TMEM132D: variants seen among roughly 807,000 people sequenced by gnomAD.
TMEM132D encodes the protein transmembrane protein 132D, also known as mature OL transmembrane protein.
TMEM132D carries 21 observed loss-of-function variants against 62.3 expected under a neutral mutation model. That is an observed-to-expected ratio of 0.34 (90% CI 0.24 to 0.49). The LOEUF (loss-of-function observed/expected upper bound fraction) is 0.49. Among genes scored for constraint, TMEM132D ranks in the 20% least tolerant of loss-of-function variants. TMEM132D has a pLI of 0.99. For missense variants in TMEM132D, 1,346 were observed against 1,402.8 expected (o/e 0.96, Z 0.65); for synonymous variants, 621 against 575.6 (o/e 1.08, Z -1.13).
chr12:129,626,809 A>G (rs265620), intron 2 of TMEM132D, among the ~76,000 whole-genome samples: 3,177 of 151,886 alleles, frequency 0.021, 125 homozygotes, highest in African/African-American at 0.073. Context: ...TTTATTTTTA[A>G]TTTTCTCATG....
At chr12:129,150,693 A>G (rs913055956) in intron 5 of TMEM132D, among the ~76,000 whole-genome samples, 13 of 152,232 alleles carry the variant, frequency 8.5e-5, no homozygotes, top group African/African-American at 2.4e-4. Context: ...AGCCACAGAC[A>G]CTGAAGATGT....
chr12:129,760,406 A>C (rs1291317340), intron 1 of TMEM132D, among the ~76,000 whole-genome samples: 1 of 134,892 alleles, frequency 7.4e-6, no homozygotes, highest in Non-Finnish European at 1.5e-5. Flanking sequence ...ATCTCGGCTC[A>C]CTGCAAGCTC....
chr12:129,618,013 C>T (rs1878968390), intron 2 of TMEM132D, among the ~76,000 whole-genome samples: 1 of 152,174 alleles, frequency 6.6e-6, no homozygotes, highest in Admixed American at 6.5e-5. Context: ...CTTGCCTGTG[C>T]TTTCACTTCC....
chr12:129,117,669 C>T (rs1286205927), intron 5 of TMEM132D, among the ~76,000 whole-genome samples: 1 of 152,148 alleles, frequency 6.6e-6, no homozygotes, highest in East Asian at 1.9e-4. Context: ...TATTCTAACT[C>T]AAAAAGACCA....
At chr12:129,320,977 C>CTATCTAT (rs556983732) in intron 4 of TMEM132D, among the ~76,000 whole-genome samples, 1 of 150,208 alleles carries the variant, frequency 6.7e-6, no homozygotes, top group African/African-American at 2.5e-5. Flanking sequence ...TATCTATCTA[C>CTATCTAT]CTACCTACCT....
chr12:129,791,580 A>G (rs893450331), intron 1 of TMEM132D, among the ~76,000 whole-genome samples: 1 of 152,114 alleles, frequency 6.6e-6, no homozygotes, highest in Non-Finnish European at 1.5e-5. Context: ...AATATGCAAG[A>G]GACATATTTT....
intron 4 of TMEM132D, among the ~76,000 whole-genome samples, chr12:129,298,528 C>T (rs779505537): frequency 1.1e-4 from 17 of 152,138 alleles, no homozygotes; most frequent in African/African-American, 3.9e-4. Flanking sequence ...ACCGTCATCA[C>T]CCCACCATGC....
chr12:129,345,046 C>A (rs12300617), intron 3 of TMEM132D, among the ~76,000 whole-genome samples: 28,301 of 152,048 alleles, frequency 0.19, 2,733 homozygotes, highest in Non-Finnish European at 0.2. Context: ...GAAAAAACTT[C>A]TTTCCTTTCT....
rs546145246 is a variant in TMEM132D, at chr12:129,543,375, A to AGGAT, written c.969-12174_969-12171dup. ...ATGAGTGGGTGGATGGATGGATGTAAGGATGGATGGATGGATGGATGGATG... is the reference window on the plus strand; with the variant it reads ...ATGAGTGGGTGGATGGATGGATGTAAGGATGGATGGATGGATGGATGGATGGATG... On this transcript the variant is annotated intron_variant, in intron 2 of 8. Transcript: ENST00000422113. Among the ~76,000 whole-genome samples the AGGAT allele has an allele frequency of 4.5e-3, 568 of 125,158 alleles. 4 individuals are homozygous for AGGAT. The highest frequency in any genetic ancestry group is 6.6e-3 in the Non-Finnish European group (399 of 60,324). 82.1% of individuals were successfully genotyped at this position (125,158 alleles called of 152,430 possible).
intron 1 of TMEM132D, among the ~76,000 whole-genome samples, chr12:129,809,194 G>C (rs542228586): frequency 6.6e-6 from 1 of 151,842 alleles, no homozygotes; most frequent in South Asian, 2.1e-4. Context: ...TGTAGTCCCA[G>C]ATATTCGGGA....
intron 4 of TMEM132D, among the ~76,000 whole-genome samples, chr12:129,310,190 C>A (rs935420217): frequency 4.6e-5 from 7 of 152,010 alleles, no homozygotes; most frequent in Non-Finnish European, 1.0e-4. Flanking sequence ...ACTCTACAGG[C>A]TAGTGGTGGC....
intron 3 of TMEM132D, among the ~76,000 whole-genome samples, chr12:129,354,555 T>C (rs1421966032): frequency 1.3e-5 from 2 of 152,182 alleles, no homozygotes; most frequent in Admixed American, 6.5e-5. Context: ...AACTCCTGAC[T>C]TTGTGATCTG....
At chr12:129,199,243 A>G (rs1878629522) in intron 5 of TMEM132D, among the ~76,000 whole-genome samples, 1 of 151,472 alleles carries the variant, frequency 6.6e-6, no homozygotes. Context: ...CTTAATAGCT[A>G]GGATAACAGG....
chr12:129,396,434 A>G (rs1402492478), intron 3 of TMEM132D, among the ~76,000 whole-genome samples: 1 of 152,202 alleles, frequency 6.6e-6, no homozygotes, highest in Non-Finnish European at 1.5e-5. Context: ...GAGAACAAAC[A>G]TTTGTGCAAT....
intron 4 of TMEM132D, among the ~76,000 whole-genome samples, chr12:129,236,742 A>T (rs565717540): frequency 6.6e-6 from 1 of 152,028 alleles, no homozygotes; most frequent in Non-Finnish European, 1.5e-5. Flanking sequence ...TCATTGCTCT[A>T]GCTAGGAGTT....
At chr12:129,900,726 A>C (rs1875324018) in intron 1 of TMEM132D, among the ~76,000 whole-genome samples, 1 of 152,108 alleles carries the variant, frequency 6.6e-6, no homozygotes, top group Non-Finnish European at 1.5e-5. Flanking sequence ...TAATGCATTA[A>C]AGCTCATCTG....
intron 3 of TMEM132D, among the ~76,000 whole-genome samples, chr12:129,463,201 G>A (rs554276130): frequency 5.9e-5 from 9 of 152,286 alleles, no homozygotes; most frequent in Admixed American, 3.3e-4. Flanking sequence ...CTACTTAGAA[G>A]ATGCAGGAAC....
intron 3 of TMEM132D, among the ~76,000 whole-genome samples, chr12:129,513,766 T>C: frequency 1.3e-5 from 2 of 151,010 alleles, no homozygotes; most frequent in African/African-American, 4.9e-5. Flanking sequence ...ATTACAGGCG[T>C]GAGCCACCGC....
intron 3 of TMEM132D, among the ~76,000 whole-genome samples, chr12:129,481,241 A>G (rs920462529): frequency 2.6e-5 from 4 of 152,276 alleles, no homozygotes; most frequent in Admixed American, 2.6e-4. Context: ...CCCCAGAACT[A>G]TGGGAGGCCA....
Sources: allele counts gnomAD v4.1 joint callset (sites outside exome capture counted in the v4.1 genomes callset), GRCh38; gene constraint gnomAD v4.1.1; transcripts MANE v1.5; gene names NCBI Gene and HGNC (gene_info 2026-07-23, HGNC 2026-07-21).